AGMO: variants seen among roughly 807,000 people sequenced by gnomAD.
AGMO encodes the protein glyceryl-ether monooxygenase.
In AGMO, 75 loss-of-function variants were observed where a neutral mutation model predicts 60.2. The ratio of observed to expected loss-of-function variants is 1.25; its 90% CI spans 1.03 to 1.51. AGMO has a LOEUF of 1.51. AGMO is among the 40% of genes most tolerant of loss of function. The probability of loss-of-function intolerance (pLI) is 0.00; values close to 1 mark genes in which losing one functional copy is unlikely to be tolerated. For missense variants in AGMO, 763 were observed against 525.5 expected (o/e 1.45, Z -4.42); for synonymous variants, 261 against 177.1 (o/e 1.47, Z -3.76).
At position 15,295,316 on chromosome 7, in the gene AGMO, G is replaced by A. The variant is rs1018293442; in HGVS notation, c.1263+70198C>T. On this transcript the variant is annotated intron_variant, in intron 12 of 12. Coordinates refer to ENST00000342526, the MANE Select transcript of AGMO (RefSeq NM_001004320.2). Reference sequence around the variant, plus strand: ...TTATTTCTTCAAAAAAATATTTATTGAGCACAAACTATAAGGTAAGCAAAG... The same window carrying A: ...TTATTTCTTCAAAAAAATATTTATTAAGCACAAACTATAAGGTAAGCAAAG... Among the ~76,000 whole-genome samples, 7 of 152,030 alleles carry A rather than the reference G, an allele frequency of 4.6e-5. No individual in the cohort carries two copies. The South Asian group carries it at 1.2e-3, about 27-fold the overall frequency.
chr7:15,553,183 A>AG (rs1375165563), intron 2 of AGMO, among the ~76,000 whole-genome samples: 1 of 141,284 alleles, frequency 7.1e-6, no homozygotes, highest in Admixed American at 7.1e-5. Context: ...GGGTGGGCGG[A>AG]GGGGGGAGGG....
At chr7:15,398,878 C>T (rs748424710) in intron 5 of AGMO, among the ~76,000 whole-genome samples, 2 of 152,132 alleles carry the variant, frequency 1.3e-5, no homozygotes, top group African/African-American at 2.4e-5. Context: ...TGGAATAAGC[C>T]ATAAAGCCTT....
At chr7:15,280,590 T>A (rs1221662209) in intron 12 of AGMO, among the ~76,000 whole-genome samples, 2 of 151,820 alleles carry the variant, frequency 1.3e-5, no homozygotes, top group Non-Finnish European at 2.9e-5. Context: ...CCAGAATACC[T>A]CTCCTGGGTA....
At chr7:15,431,148 A>C (rs770087178) in intron 3 of AGMO, 40 bp from the exon 4 acceptor site, 3 of 1,432,890 alleles carry the variant, frequency 2.1e-6, no homozygotes, top group Non-Finnish European at 2.9e-6. Flanking sequence ...TGAGAATAAG[A>C]ACAAAGCAAC....
At chr7:15,281,890 A>ATACACCAAACACATTGCTAC (rs1783977003) in intron 12 of AGMO, among the ~76,000 whole-genome samples, 1 of 152,178 alleles carries the variant, frequency 6.6e-6, no homozygotes, top group African/African-American at 2.4e-5. Flanking sequence ...GAATTTGCTC[A>ATACACCAAACACATTGCTAC]TACACCAAAC....
At chr7:15,224,016 A>C (rs1350813458) in intron 12 of AGMO, among the ~76,000 whole-genome samples, 6 of 152,050 alleles carry the variant, frequency 3.9e-5, no homozygotes, top group African/African-American at 1.2e-4. Context: ...CTGGCATGTA[A>C]CATTTATTTA....
In AGMO at chr7:15,465,876, A is replaced by G. The variant is rs144302244; in HGVS notation, c.410-34768T>C. Among the ~76,000 whole-genome samples, 59 of 152,252 alleles carry G rather than the reference A, an allele frequency of 3.9e-4. No individual in the cohort carries two copies. In the East Asian group the frequency reaches 8.1e-3, roughly 21 times the overall value. ...AGTTCAGTCTTTTTTAAACTACTCC[A>G]GATGACTATAAGAATACCCTCCTAA... On this transcript the variant is annotated intron_variant, in intron 3 of 12. Transcript: ENST00000342526.
In AGMO at chr7:15,362,773, A is replaced by G. The variant is rs576301423; in HGVS notation, c.1263+2741T>C. Among the ~76,000 whole-genome samples, 6 of 152,316 alleles carry G rather than the reference A, an allele frequency of 3.9e-5. No homozygotes were observed. In the South Asian group the frequency reaches 1.2e-3, roughly 32 times the overall value. ...ATTATTCAAACCACGTGTCTTTTCA[A>G]AATTCTTTTGCAGTTAAATTGATAA... On this transcript the variant is annotated intron_variant, in intron 12 of 12. Transcript: ENST00000342526.
chr7:15,138,870 C>T, the AGMO span, among the ~76,000 whole-genome samples: 21 of 152,004 alleles, frequency 1.4e-4, no homozygotes, highest in African/African-American at 5.1e-4. Flanking sequence ...TCATTCAGTT[C>T]TTAACAATGT....
At chr7:15,466,744 A>G (rs777579150) in intron 3 of AGMO, among the ~76,000 whole-genome samples, 48 of 152,298 alleles carry the variant, frequency 3.2e-4, no homozygotes, top group Non-Finnish European at 4.6e-4. Flanking sequence ...AATTATTTGT[A>G]AAGCATTTCA....
chr7:15,421,259 G>T (rs1780914712), intron 4 of AGMO, among the ~76,000 whole-genome samples: 2 of 152,070 alleles, frequency 1.3e-5, no homozygotes, highest in Admixed American at 1.3e-4. Context: ...GCGTGGGAGA[G>T]TGTGTATTTT....
intron 3 of AGMO, among the ~76,000 whole-genome samples, chr7:15,492,072 G>A (rs1241698069): frequency 6.6e-6 from 1 of 152,158 alleles, no homozygotes; most frequent in African/African-American, 2.4e-5. Context: ...AGTCAGGGTG[G>A]AGCATTTCCT....
Position 15,366,241 on chromosome 7 carries a change from G to A in AGMO, c.1075-19C>T, listed in dbSNP as rs62450359. On this transcript the variant is annotated intron_variant, in intron 10 of 12. Transcript: ENST00000342526. ...ACAGTGCCTGTCAAACAAACACGGAGATCAATGGAGCCGTTAGAAGAATTG... is the reference window on the plus strand; with the variant it reads ...ACAGTGCCTGTCAAACAAACACGGAAATCAATGGAGCCGTTAGAAGAATTG... The A allele has an allele frequency of 1.9e-6, 3 of 1,576,258 alleles. No homozygotes were observed. The highest frequency in any genetic ancestry group is 2.6e-6 in the Non-Finnish European group (3 of 1,153,932).
chr7:15,365,611 G>A lies in AGMO; in HGVS notation c.1166C>T (p.Ala389Val), dbSNP rs1782945544. The change falls in exon 12 of 13, where the codon GCA becomes GTA. Residue 389 changes from alanine (A) to valine (V), a missense_variant. Coordinates refer to ENST00000342526, the MANE Select transcript of AGMO (RefSeq NM_001004320.2). The stretch of plus-strand genomic sequence containing the variant: ...GCAACGGAGAGTTTCCATAATAGCT[G>A]CCTTGGGTCTGAAATAAAATGTCAT... The part of the protein sequence containing the change: ...IGFLLDQRPK[A>V]AIMETLRCLM... The A allele has an allele frequency of 6.2e-7, 1 of 1,611,532 alleles. No individual in the cohort carries two copies. Among genetic ancestry groups the A allele is most frequent in the Middle Eastern group, 1.7e-4 (1 of 6,052 alleles).
rs1460425323 is a variant in AGMO at position 15,463,639 on chromosome 7, G to A, written c.410-32531C>T. Among the ~76,000 whole-genome samples, 2 of 152,080 alleles carry A rather than the reference G, an allele frequency of 1.3e-5. 1 individual carries two copies. The highest frequency in any genetic ancestry group is 2.9e-5 in the Non-Finnish European group (2 of 68,016). On this transcript the variant is annotated intron_variant, in intron 3 of 12. Transcript: ENST00000342526. The stretch of plus-strand genomic sequence containing the variant: ...TCCCCTTCCTCAAGAAGTACATCCA[G>A]GTATTTTTTTTCAATGTACTGCTTG...
At chr7:15,257,069 T>C (rs1272706799) in intron 12 of AGMO, among the ~76,000 whole-genome samples, 14 of 152,174 alleles carry the variant, frequency 9.2e-5, no homozygotes, top group Non-Finnish European at 1.5e-4. Context: ...TAAAAGCAAC[T>C]GTGGTTATTT....
intron 12 of AGMO, among the ~76,000 whole-genome samples, chr7:15,344,962 T>C (rs1781981002): frequency 6.6e-6 from 1 of 152,184 alleles, no homozygotes; most frequent in Admixed American, 6.5e-5. Context: ...TCCTAAATCT[T>C]TCAGTTTTCT....
At position 15,537,631 on chromosome 7, in the gene AGMO, G is replaced by A. The variant is rs374587085; in HGVS notation, c.409+7141C>T. Among the ~76,000 whole-genome samples the A allele has an allele frequency of 2.2e-3, 328 of 152,028 alleles. 1 individual carries two copies. The highest frequency in any genetic ancestry group is 7.6e-3 in the African/African-American group (317 of 41,468). The stretch of plus-strand genomic sequence containing the variant: ...AATCAATGTTCAAAAATAGACTGAT[G>A]GAGATTCCTGGCATCCCTATATTTT... On this transcript the variant is annotated intron_variant, in intron 3 of 12. Coordinates refer to ENST00000342526, the MANE Select transcript of AGMO (RefSeq NM_001004320.2).
intron 2 of AGMO, among the ~76,000 whole-genome samples, chr7:15,559,565 T>C (rs1174218828): frequency 6.6e-6 from 1 of 151,908 alleles, no homozygotes; most frequent in Non-Finnish European, 1.5e-5. Context: ...ACATGACAAA[T>C]AGACAGGAGA....
Sources: gnomAD v4.1 joint callset for allele counts (sites outside exome capture counted in the v4.1 genomes callset) on GRCh38, gnomAD v4.1.1 for gene constraint, MANE v1.5 for transcripts, NCBI Gene and HGNC (gene_info 2026-07-23, HGNC 2026-07-21) for gene names.